Variants in SLC13A1 observed in about 807,000 individuals in gnomAD.
SLC13A1 encodes the protein Na(+)/sulfate cotransporter.
A neutral mutation model predicts 70.0 loss-of-function variants in SLC13A1; 65 were observed. That is an observed-to-expected ratio of 0.93 (90% CI 0.76 to 1.14). SLC13A1 has a LOEUF of 1.14. SLC13A1 is among the 50% of genes most tolerant of loss of function. The pLI, the probability that SLC13A1 is intolerant of heterozygous loss-of-function variation, is 0.00. For missense variants in SLC13A1, 726 were observed against 717.8 expected, an observed-to-expected ratio of 1.01 and a Z score of -0.13; for synonymous variants, 275 against 250.5, an observed-to-expected ratio of 1.10 and a Z score of -0.92.
At chr7:123,150,631 A>G (rs1043810820) in intron 6 of SLC13A1, among the ~76,000 whole-genome samples, 2 of 152,032 alleles carry the variant, frequency 1.3e-5, no homozygotes, top group Non-Finnish European at 2.9e-5. Context: ...TCCACCCACA[A>G]TGCACTTCCT....
intron 4 of SLC13A1, 103 bp downstream of exon 4, chr7:123,169,045 T>G: frequency 9.9e-7 from 1 of 1,006,372 alleles, no homozygotes; most frequent in Non-Finnish European, 1.5e-6. Flanking sequence ...ATTCATATCA[T>G]GCATGTATAG....
chr7:123,125,648 A>T lies in SLC13A1; in HGVS notation c.1161T>A (p.Thr387=). ...SEYPGFATDS[T]VALLIGLLFF... is the part of the protein sequence containing the mutation. ...ATAGCAGCCCTATAAGTAAAGCAAC[A>T]GTTGAATCTGTAGCAAAACCAGGGT... Residue 387 remains threonine (T), a synonymous_variant, in exon 11 of 15, where the codon ACT becomes ACA. Transcript: ENST00000194130. 1.2e-6 allele frequency: 2 copies of T among 1,613,252 alleles called. No individual in the cohort carries two copies.
At chr7:123,169,821 T>C (rs1411111988) in intron 3 of SLC13A1, among the ~76,000 whole-genome samples, 1 of 152,174 alleles carries the variant, frequency 6.6e-6, no homozygotes, top group African/African-American at 2.4e-5. Flanking sequence ...AAAGAAAGAT[T>C]AATATTTATA....
chr7:123,186,917 C>T (rs1040169397), intron 1 of SLC13A1, among the ~76,000 whole-genome samples: 1 of 149,658 alleles, frequency 6.7e-6, no homozygotes, highest in African/African-American at 2.5e-5. Context: ...TACCACTGAC[C>T]TTACAATTTT....
At chr7:123,140,310 T>G (rs1302850364) in intron 7 of SLC13A1, among the ~76,000 whole-genome samples, 1 of 152,130 alleles carries the variant, frequency 6.6e-6, no homozygotes, top group Non-Finnish European at 1.5e-5. Flanking sequence ...ATGATCTTTT[T>G]CATGTATTTG....
rs975145873 is a variant in SLC13A1 at position 123,114,333 on chromosome 7, C to G, written c.*1185G>C. On this transcript the variant is annotated 3_prime_UTR_variant, in exon 15 of 15. Transcript: ENST00000194130. ...GTGTATGTGATATTTTGCTACCTGT[C>G]TACAATGTGTAATTGTCACATCAGG... The G allele has an allele frequency of 2.0e-5, 3 of 152,032 alleles. No homozygotes were observed. Among genetic ancestry groups the G allele is most frequent in the Non-Finnish European group, 4.4e-5 (3 of 68,014 alleles). The allele number at this position is 152,032 out of a possible 1,614,324, so 9.4% of individuals were successfully genotyped here. A position where few individuals can be genotyped will look rare whatever the true frequency, so the allele number is the denominator to read the frequency against.
intron 7 of SLC13A1, among the ~76,000 whole-genome samples, chr7:123,146,495 GC>G (rs1394154244): frequency 5.3e-5 from 8 of 152,166 alleles, no homozygotes; most frequent in Non-Finnish European, 1.0e-4. Context: ...AGCCTGGGCA[GC>G]AGAGTGAGAC....
chr7:123,171,693 C>T, intron 3 of SLC13A1, 75 bp downstream of exon 3: 2 of 1,435,928 alleles, frequency 1.4e-6, no homozygotes, highest in South Asian at 1.2e-5. Context: ...GCGTGAATTA[C>T]TTATTTGATT....
intron 1 of SLC13A1, among the ~76,000 whole-genome samples, chr7:123,194,061 T>G (rs550206593): frequency 6.6e-6 from 1 of 152,174 alleles, no homozygotes; most frequent in South Asian, 2.1e-4. Flanking sequence ...AGGCACTGGG[T>G]TTGGTGCTGG....
intron 6 of SLC13A1, among the ~76,000 whole-genome samples, chr7:123,150,776 A>G (rs76894609): frequency 0.015 from 2,341 of 152,068 alleles, 30 homozygotes; most frequent in East Asian, 0.027. Flanking sequence ...GGTTTCTGTG[A>G]TATCTCACTC....
chr7:123,174,091 A>G (rs563396476), intron 2 of SLC13A1, among the ~76,000 whole-genome samples: 1 of 150,816 alleles, frequency 6.6e-6, no homozygotes, highest in East Asian at 2.0e-4. Context: ...GGTTCTGTCC[A>G]TAGTCTTTAT....
intron 11 of SLC13A1, 91 bp downstream of exon 11, chr7:123,125,478 C>G: frequency 1.1e-6 from 1 of 892,118 alleles, no homozygotes; most frequent in Non-Finnish European, 1.8e-6. Context: ...CATAGACTTT[C>G]TTTCTGCTCT....
rs559020064 is a variant in SLC13A1, at chr7:123,169,304, A to G, written c.397T>C (p.Phe133Leu). 4 of 1,613,420 alleles carry G rather than the reference A, an allele frequency of 2.5e-6. No individual in the cohort carries two copies. The highest frequency in any genetic ancestry group is 4.5e-5 in the East Asian group (2 of 44,872). The change falls in exon 4 of 15, where the codon TTT becomes CTT. Residue 133 changes from phenylalanine (F) to leucine (L), a missense_variant. Transcript: ENST00000194130. Reference sequence around the variant, plus strand: ...GTGTTGCTGAGCCACATAGACAAAAAGGCAGTGCTGCTCATGAACCCCAGC... The same window carrying G: ...GTGTTGCTGAGCCACATAGACAAAAGGGCAGTGCTGCTCATGAACCCCAGC... ...LTLGFMSSTA[F>L]LSMWLSNTST...
In SLC13A1 at chr7:123,115,534, T is replaced by C; in HGVS notation, c.1772A>G (p.Asn591Ser). ...TTGTGCTTATTATGGCATGGTCTCA[T>C]TACTCATAGCAGGAGCCCACGAAGG... ...TYPSWAPAMS[N>S]ETMP The change falls in exon 15 of 15, where the codon AAT becomes AGT. Residue 591 changes from asparagine to serine, a missense_variant. By Grantham distance (46) the Asn-to-Ser change is conservative. Transcript: ENST00000194130. 6.2e-7 allele frequency: 1 copy of C among 1,612,836 alleles called. No homozygotes were observed. The highest frequency in any genetic ancestry group is 8.5e-7 in the Non-Finnish European group (1 of 1,179,062).
intron 9 of SLC13A1, 95 bp from the exon 10 acceptor site, chr7:123,129,041 A>G (rs1203973260): frequency 3.7e-6 from 3 of 813,024 alleles, no homozygotes; most frequent in African/African-American, 3.4e-5. Context: ...TCGCAGTAGA[A>G]CACTAAACAC....
At chr7:123,118,541 A>G (rs577928359) in intron 13 of SLC13A1, among the ~76,000 whole-genome samples, 102 of 152,280 alleles carry the variant, frequency 6.7e-4, no homozygotes, top group Non-Finnish European at 1.5e-4. Context: ...AGAAGAAAAG[A>G]CATTCTTTCC....
At chr7:123,177,975 A>G (rs1795504470) in intron 2 of SLC13A1, among the ~76,000 whole-genome samples, 1 of 151,880 alleles carries the variant, frequency 6.6e-6, no homozygotes, top group Non-Finnish European at 1.5e-5. Flanking sequence ...TATCTGTTGA[A>G]TAACTGAGTA....
intron 1 of SLC13A1, 79 bp downstream of exon 1, chr7:123,199,769 G>T: frequency 3.7e-6 from 4 of 1,076,060 alleles, no homozygotes; most frequent in Non-Finnish European, 5.6e-6. Context: ...GAGCCAGGCA[G>T]TTAAACAGCA....
intron 1 of SLC13A1, among the ~76,000 whole-genome samples, chr7:123,183,882 C>A (rs541134924): frequency 2.0e-5 from 3 of 152,140 alleles, no homozygotes; most frequent in Non-Finnish European, 2.9e-5. Context: ...ACTTGTCTAC[C>A]TTTTGATTTG....
Sources: gnomAD v4.1 joint callset for allele counts (sites outside exome capture counted in the v4.1 genomes callset) on GRCh38, gnomAD v4.1.1 for gene constraint, MANE v1.5 for transcripts, NCBI Gene and HGNC (gene_info 2026-07-23, HGNC 2026-07-21) for gene names.